GRIK3: variants seen among roughly 807,000 people sequenced by gnomAD.
GRIK3 encodes glutamate ionotropic receptor kainate type subunit 3, also known as glutamate receptor ionotropic, kainate 3.
A neutral mutation model predicts 102.5 loss-of-function variants in GRIK3; 29 were observed. That is an observed-to-expected ratio of 0.28 (90% CI 0.21 to 0.39). The LOEUF is 0.39. Among genes scored for constraint, GRIK3 ranks in the 10% least tolerant of loss-of-function variants. The pLI is 1.00. For missense variants in GRIK3, 908 were observed against 1,252.4 expected (o/e 0.73, Z 4.15); for synonymous variants, 511 against 504.9 (o/e 1.01, Z -0.16).
At chr1:36,913,097 G>A (rs551961442) in intron 1 of GRIK3, among the ~76,000 whole-genome samples, 8 of 152,324 alleles carry the variant, frequency 5.3e-5, no homozygotes, top group African/African-American at 1.9e-4. Flanking sequence ...CCTTACAAGA[G>A]TGGATAGGGG....
intron 1 of GRIK3, among the ~76,000 whole-genome samples, chr1:37,015,741 G>C (rs1642646605): frequency 6.6e-6 from 1 of 152,208 alleles, no homozygotes; most frequent in Non-Finnish European, 1.5e-5. Context: ...GGCAGCTTTG[G>C]AAAGCCTCCC....
intron 1 of GRIK3, among the ~76,000 whole-genome samples, chr1:36,923,531 C>T (rs1641496122): frequency 1.3e-5 from 2 of 152,170 alleles, no homozygotes; most frequent in South Asian, 4.1e-4. Context: ...GTGAGGTGGA[C>T]ACCACTGCAT....
chr1:36,804,936 G>T, intron 15 of GRIK3, 51 bp downstream of exon 15: 2 of 1,598,716 alleles, frequency 1.3e-6, no homozygotes, highest in Non-Finnish European at 1.7e-6. Flanking sequence ...AGTGAAATCA[G>T]CGCGAATCTC....
chr1:36,880,697 T>C lies in GRIK3; in HGVS notation c.487A>G (p.Ile163Val), dbSNP rs1480434224. ...TTGAGGTACTGGACCAGGTCGAGGA[T>C]GGCATGGCTGAGCGAGGCGTAGTCG... Reference protein sequence around the residue: ...YPDYASLSHAILDLVQYLKWR... With the variant: ...YPDYASLSHAVLDLVQYLKWR... The change falls in exon 3 of 16, where the codon ATC (isoleucine) becomes GTC (valine). Residue 163 changes from isoleucine (I) to valine (V), a missense_variant. This residue lies in a region of GRIK3 where 585 missense variants were observed against 824.9 expected (regional missense o/e 0.71). Transcript: ENST00000373091. This position sits in a 1 kb window ranked among gnomAD's most constrained non-coding sequence, Gnocchi z 5.4. The C allele has an allele frequency of 1.9e-6, 3 of 1,614,064 alleles. No individual in the cohort carries two copies. The highest frequency in any genetic ancestry group is 2.5e-6 in the Non-Finnish European group (3 of 1,179,952).
intron 1 of GRIK3, among the ~76,000 whole-genome samples, chr1:37,029,445 A>G (rs555185266): frequency 1.3e-5 from 2 of 152,312 alleles, no homozygotes; most frequent in Admixed American, 1.3e-4. Context: ...CAAGCAAGGC[A>G]AGCCAGGCTG....
At chr1:36,935,886 G>A (rs1278017817) in intron 1 of GRIK3, among the ~76,000 whole-genome samples, 4 of 152,182 alleles carry the variant, frequency 2.6e-5, no homozygotes, top group Non-Finnish European at 5.9e-5. Context: ...AATTGATGGT[G>A]CGCTTGAAGA....
intron 2 of GRIK3, among the ~76,000 whole-genome samples, chr1:36,884,336 A>T (rs1641015763): frequency 6.6e-6 from 1 of 152,116 alleles, no homozygotes; most frequent in African/African-American, 2.4e-5. Context: ...TGAATTGTCA[A>T]ATTTAGGACT....
intron 1 of GRIK3, among the ~76,000 whole-genome samples, chr1:36,972,198 A>C (rs1642150378): frequency 2.6e-5 from 4 of 152,168 alleles, no homozygotes; most frequent in Non-Finnish European, 5.9e-5. Flanking sequence ...TCTGAAGGAG[A>C]ATCCACAGGG....
chr1:36,914,919 T>C, intron 1 of GRIK3, among the ~76,000 whole-genome samples: 1 of 152,226 alleles, frequency 6.6e-6, no homozygotes, highest in East Asian at 1.9e-4. Flanking sequence ...GGGGAACCAA[T>C]TCATCAGCCT....
At chr1:36,934,770 T>C (rs1641637092) in intron 1 of GRIK3, among the ~76,000 whole-genome samples, 1 of 152,212 alleles carries the variant, frequency 6.6e-6, no homozygotes, top group Admixed American at 6.5e-5. Flanking sequence ...GAGTTCAGCA[T>C]ACATCACCCA....
At chr1:36,962,591 C>T (rs559922727) in intron 1 of GRIK3, among the ~76,000 whole-genome samples, 22 of 150,026 alleles carry the variant, frequency 1.5e-4, no homozygotes, top group Non-Finnish European at 2.1e-4. Flanking sequence ...AGCAAGCAGA[C>T]GGTGGCTGAA....
intron 1 of GRIK3, among the ~76,000 whole-genome samples, chr1:37,019,029 C>T (rs970156019): frequency 6.6e-5 from 10 of 152,058 alleles, no homozygotes; most frequent in African/African-American, 1.9e-4. Context: ...GGAAAATCCA[C>T]GGACGAGATG....
chr1:37,006,832 A>C (rs1642538065), intron 1 of GRIK3, among the ~76,000 whole-genome samples: 1 of 152,198 alleles, frequency 6.6e-6, no homozygotes, highest in South Asian at 2.1e-4. Flanking sequence ...GGGGGGTACA[A>C]TTATTGTCTT....
At chr1:36,858,981 C>T in intron 7 of GRIK3, 127 bp downstream of exon 7, 1 of 822,792 alleles carries the variant, frequency 1.2e-6, no homozygotes, top group Non-Finnish European at 1.9e-6. Flanking sequence ...GGCTCGGAGA[C>T]ATGAGGCAAC....
intron 3 of GRIK3, among the ~76,000 whole-genome samples, chr1:36,874,210 G>A (rs1265394967): frequency 6.6e-6 from 1 of 152,172 alleles, no homozygotes; most frequent in Non-Finnish European, 1.5e-5. Flanking sequence ...AACAATCTCT[G>A]GTACACACCC....
intron 1 of GRIK3, among the ~76,000 whole-genome samples, chr1:36,973,254 C>T (rs916081345): frequency 3.3e-5 from 5 of 152,130 alleles, no homozygotes; most frequent in South Asian, 2.1e-4. Flanking sequence ...CTCCTCCCTG[C>T]GTTGGCGGCG....
intron 1 of GRIK3, among the ~76,000 whole-genome samples, chr1:37,012,006 T>C (rs1006387013): frequency 2.6e-5 from 4 of 152,146 alleles, no homozygotes; most frequent in African/African-American, 4.8e-5. Context: ...TCTCTGTCTA[T>C]GGCCCCAGAG....
chr1:36,942,280 G>A (rs1641731287), intron 1 of GRIK3, among the ~76,000 whole-genome samples: 1 of 152,214 alleles, frequency 6.6e-6, no homozygotes, highest in Non-Finnish European at 1.5e-5. Context: ...GAGTCCTGTG[G>A]TGCCAGTCCA....
At chr1:36,914,125 C>T (rs1641375168) in intron 1 of GRIK3, among the ~76,000 whole-genome samples, 1 of 152,208 alleles carries the variant, frequency 6.6e-6, no homozygotes, top group Non-Finnish European at 1.5e-5. Flanking sequence ...TCTCATCTAG[C>T]AACAGTAGAA....
Sources: gnomAD v4.1 joint callset for allele counts (sites outside exome capture counted in the v4.1 genomes callset) on GRCh38, gnomAD v4.1.1 for gene constraint, gnomAD v4.1.1 regional missense constraint, Gnocchi (gnomAD v3.1) non-coding constraint, MANE v1.5 for transcripts, NCBI Gene and HGNC (gene_info 2026-07-23, HGNC 2026-07-21) for gene names.